SOX5: variants seen among roughly 807,000 people sequenced by gnomAD.
The protein encoded by SOX5 is transcription factor SOX-5.
SOX5 carries 9 observed loss-of-function variants against 92.0 expected under a neutral mutation model. The observed-to-expected ratio is 0.10, with a 90% CI of 0.06 to 0.17. The LOEUF (loss-of-function observed/expected upper bound fraction) is 0.17, where lower values mean the gene tolerates loss of function less well. Ranked by LOEUF, SOX5 falls within the 10% of genes least tolerant of loss-of-function variation. SOX5 has a pLI of 1.00. For missense variants in SOX5, 642 were observed against 944.5 expected (o/e 0.68, Z 4.20); for synonymous variants, 344 against 336.3 (o/e 1.02, Z -0.25).
intron 4 of SOX5, among the ~76,000 whole-genome samples, chr12:24,005,517 T>G (rs1370571801): frequency 6.6e-6 from 1 of 152,206 alleles, no homozygotes; most frequent in East Asian, 1.9e-4. Context: ...GTTCCAGAAT[T>G]AGTCTGACAT....
intron 1 of SOX5, among the ~76,000 whole-genome samples, chr12:24,523,027 C>T (rs1950391389): frequency 6.6e-6 from 1 of 152,034 alleles, no homozygotes; most frequent in Non-Finnish European, 1.5e-5. Flanking sequence ...CCTAATGACT[C>T]CATTTAAAAA....
At chr12:24,150,388 T>C (rs1490211031) in intron 4 of SOX5, among the ~76,000 whole-genome samples, 4 of 152,182 alleles carry the variant, frequency 2.6e-5, no homozygotes, top group Admixed American at 6.6e-5. Flanking sequence ...AAAATATCAT[T>C]AATTTGAAAA....
At chr12:24,201,154 T>C (rs548571758) in intron 4 of SOX5, among the ~76,000 whole-genome samples, 1 of 152,224 alleles carries the variant, frequency 6.6e-6, no homozygotes, top group Non-Finnish European at 1.5e-5. Context: ...AGAATCTCTC[T>C]GTTAAATCAT....
chr12:23,779,814 T>TATATATATATATATACACAC (rs777013504), intron 3 of SOX5, among the ~76,000 whole-genome samples: 2 of 110,812 alleles, frequency 1.8e-5, no homozygotes, highest in African/African-American at 3.7e-5. Context: ...TATATATATA[T>TATATATATATATATACACAC]ACACACACAC....
intron 6 of SOX5, among the ~76,000 whole-genome samples, chr12:23,723,009 G>A (rs1252939740): frequency 6.6e-6 from 1 of 152,108 alleles, no homozygotes; most frequent in Non-Finnish European, 1.5e-5. Context: ...AATACCTCCA[G>A]CAGGCAACAG....
chr12:24,060,592 C>T (rs557537494), intron 4 of SOX5, among the ~76,000 whole-genome samples: 19 of 152,250 alleles, frequency 1.2e-4, no homozygotes, highest in African/African-American at 3.4e-4. Flanking sequence ...TCTTTTCCTA[C>T]GGGAAACAAC....
chr12:24,276,177 G>C (rs867913592), intron 3 of SOX5, among the ~76,000 whole-genome samples: 1 of 151,822 alleles, frequency 6.6e-6, no homozygotes, highest in Non-Finnish European at 1.5e-5. Context: ...TTCCACTTTT[G>C]TTAGTATAAA....
At chr12:23,986,150 G>C (rs74934182) in intron 4 of SOX5, among the ~76,000 whole-genome samples, 1 of 152,084 alleles carries the variant, frequency 6.6e-6, no homozygotes, top group Admixed American at 6.6e-5. Context: ...GGATTACAAT[G>C]TGTATATCTT....
chr12:24,263,352 C>G (rs1030347295), intron 3 of SOX5, among the ~76,000 whole-genome samples: 7 of 151,550 alleles, frequency 4.6e-5, no homozygotes, highest in East Asian at 3.9e-4. Flanking sequence ...ACGGTGAAAC[C>G]CCGTCTCTAC....
At chr12:24,265,391 A>C (rs1942858500) in intron 3 of SOX5, among the ~76,000 whole-genome samples, 1 of 152,092 alleles carries the variant, frequency 6.6e-6, no homozygotes, top group South Asian at 2.1e-4. Context: ...AAAATACAAA[A>C]AAGTTATCTG....
At chr12:23,717,770 G>C (rs1190663013) in intron 6 of SOX5, among the ~76,000 whole-genome samples, 1 of 152,192 alleles carries the variant, frequency 6.6e-6, no homozygotes, top group Admixed American at 6.5e-5. Flanking sequence ...TACTAATAAA[G>C]TAAATACAGC....
chr12:23,604,255 C>T (rs746612077), intron 9 of SOX5, 132 bp downstream of exon 9: 57 of 816,422 alleles, frequency 7.0e-5, no homozygotes, highest in Non-Finnish European at 1.1e-4. Context: ...CACCTGTTGC[C>T]CTTACTTGAT....
chr12:24,090,319 C>T (rs143845112), intron 4 of SOX5, among the ~76,000 whole-genome samples: 6 of 151,984 alleles, frequency 3.9e-5, no homozygotes, highest in East Asian at 3.9e-4. Flanking sequence ...AGTTGGCTAA[C>T]GAAAGGGAAG....
chr12:23,625,066 T>C (rs559585401), intron 8 of SOX5, among the ~76,000 whole-genome samples: 48 of 152,296 alleles, frequency 3.2e-4, no homozygotes, highest in African/African-American at 1.2e-3. Flanking sequence ...GGAGAGCAGG[T>C]AGTCAGGGTT....
intron 2 of SOX5, among the ~76,000 whole-genome samples, chr12:24,344,911 C>A (rs1953050902): frequency 6.6e-6 from 1 of 152,160 alleles, no homozygotes; most frequent in Non-Finnish European, 1.5e-5. Context: ...GAAGCCTGGG[C>A]TGCTTATAAA....
intron 9 of SOX5, among the ~76,000 whole-genome samples, chr12:23,586,678 A>G (rs1270141983): frequency 2.6e-5 from 4 of 151,598 alleles, no homozygotes; most frequent in East Asian, 1.9e-4. Context: ...GAAAACTTAC[A>G]AAAATATATC....
intron 1 of SOX5, among the ~76,000 whole-genome samples, chr12:24,401,005 A>G (rs1477469397): frequency 6.6e-6 from 1 of 152,152 alleles, no homozygotes; most frequent in Non-Finnish European, 1.5e-5. Flanking sequence ...ATTAACTTTG[A>G]ACTCCCAATT....
intron 1 of SOX5, among the ~76,000 whole-genome samples, chr12:24,442,200 C>A (rs1279424464): frequency 6.6e-6 from 1 of 152,302 alleles, no homozygotes; most frequent in Admixed American, 6.5e-5. Context: ...TGCTAGAACG[C>A]AATCCTAACT....
intron 4 of SOX5, among the ~76,000 whole-genome samples, chr12:24,033,123 G>C (rs1008280759): frequency 6.6e-6 from 1 of 151,908 alleles, no homozygotes; most frequent in African/African-American, 2.4e-5. Context: ...TAGGGAAGTA[G>C]AAAATGAATC....
Sources: gnomAD v4.1 joint callset for allele counts (sites outside exome capture counted in the v4.1 genomes callset) on GRCh38, gnomAD v4.1.1 for gene constraint, MANE v1.5 for transcripts, NCBI Gene and HGNC (gene_info 2026-07-23, HGNC 2026-07-21) for gene names.